The following BMP2K variants were observed in gnomAD, a reference collection of about 807,000 sequenced individuals.
BMP2K encodes the protein BMP-2-inducible protein kinase.
A neutral mutation model predicts 116.0 loss-of-function variants in BMP2K; 74 were observed. The observed-to-expected ratio is 0.64, with a 90% CI of 0.53 to 0.77. BMP2K has a LOEUF of 0.77. Among genes scored for constraint, BMP2K ranks in the 30% least tolerant of loss-of-function variants. BMP2K has a pLI of 0.00. For synonymous variants in BMP2K, 486 were observed against 502.5 expected (o/e 0.97, Z 0.44); for missense variants, 1,365 against 1,403.6 (o/e 0.97, Z 0.44).
intron 1 of BMP2K, among the ~76,000 whole-genome samples, chr4:78,798,501 A>G (rs1309630817): frequency 6.6e-6 from 1 of 152,186 alleles, no homozygotes; most frequent in Non-Finnish European, 1.5e-5. Context: ...TTTACTCTGA[A>G]AACAATTTGT....
chr4:78,876,029 C>T (rs925107491), intron 13 of BMP2K, among the ~76,000 whole-genome samples: 1 of 152,106 alleles, frequency 6.6e-6, no homozygotes, highest in Non-Finnish European at 1.5e-5. Flanking sequence ...TTTCACCCTT[C>T]GAAGGGAGGA....
At chr4:78,847,118 C>A (rs1053649618) in intron 5 of BMP2K, 70 bp from the exon 6 acceptor site, 1 of 852,812 alleles carries the variant, frequency 1.2e-6, no homozygotes. Flanking sequence ...TATGTAGAAA[C>A]AATGTATTAT....
At chr4:78,909,456 C>T (rs923496449) in intron 15 of BMP2K, among the ~76,000 whole-genome samples, 10 of 152,020 alleles carry the variant, frequency 6.6e-5, no homozygotes, top group East Asian at 3.9e-4. Context: ...ATGAAATATA[C>T]GCTGCTTATC....
At chr4:78,900,897 A>G (rs1733965509) in intron 15 of BMP2K, among the ~76,000 whole-genome samples, 1 of 152,196 alleles carries the variant, frequency 6.6e-6, no homozygotes, top group South Asian at 2.1e-4. Context: ...AATTATCATG[A>G]ATTATATTTG....
At chr4:78,847,091 C>CT (rs893997744) in intron 5 of BMP2K, 97 bp from the exon 6 acceptor site, 15 of 639,828 alleles carry the variant, frequency 2.3e-5, no homozygotes, top group Middle Eastern at 5.2e-4. Context: ...ACCTAAAAGA[C>CT]TTTTTTTGTA....
intron 15 of BMP2K, among the ~76,000 whole-genome samples, chr4:78,898,618 T>C (rs973013579): frequency 6.8e-6 from 1 of 147,192 alleles, no homozygotes; most frequent in African/African-American, 2.5e-5. Context: ...CTTTCCTGTT[T>C]AAAGTCCTTC....
chr4:78,827,446 A>G (rs1729929507), intron 2 of BMP2K, among the ~76,000 whole-genome samples: 1 of 152,144 alleles, frequency 6.6e-6, no homozygotes, highest in Admixed American at 6.5e-5. Flanking sequence ...TGTCTTGCTG[A>G]CACTTAGAAC....
At chr4:78,823,514 T>TTA (rs919356679) in intron 1 of BMP2K, among the ~76,000 whole-genome samples, 3 of 147,594 alleles carry the variant, frequency 2.0e-5, no homozygotes, top group Admixed American at 6.8e-5. Flanking sequence ...TTATATATAG[T>TTA]TATATATATA....
At chr4:78,807,464 T>A (rs1381089362) in intron 1 of BMP2K, among the ~76,000 whole-genome samples, 1 of 152,106 alleles carries the variant, frequency 6.6e-6, no homozygotes, top group African/African-American at 2.4e-5. Context: ...TTCTCTTCTA[T>A]TTTTTTGGAG....
chr4:78,912,206 A>G lies in BMP2K; in HGVS notation c.*173A>G, dbSNP rs1243989899. On this transcript the variant is annotated 3_prime_UTR_variant, in exon 16 of 16. Coordinates refer to ENST00000502613, the MANE Select transcript of BMP2K (RefSeq NM_198892.2). ...GAATGAAGTATCTCTACAGGGTAGT[A>G]ACTTGATTCCTCTTCAGGAGAAAAG... The G allele has an allele frequency of 1.6e-6, 1 of 609,338 alleles. No homozygotes were observed. The highest frequency in any genetic ancestry group is 2.8e-6 in the Non-Finnish European group (1 of 362,670). The allele number at this position is 609,338 out of a possible 1,614,324, so 37.7% of individuals were successfully genotyped here.
At chr4:78,788,163 G>A (rs959986477) in intron 1 of BMP2K, among the ~76,000 whole-genome samples, 13 of 151,330 alleles carry the variant, frequency 8.6e-5, no homozygotes, top group African/African-American at 2.7e-4. Context: ...ACTCTCTTCC[G>A]TTGAATGTTA....
At chr4:78,787,546 G>T (rs773608017) in intron 1 of BMP2K, among the ~76,000 whole-genome samples, 1 of 152,100 alleles carries the variant, frequency 6.6e-6, no homozygotes, top group Non-Finnish European at 1.5e-5. Flanking sequence ...AAACAGTTTT[G>T]GGGGTGGTCA....
chr4:78,857,790 C>G (rs1731574158), intron 7 of BMP2K, among the ~76,000 whole-genome samples: 1 of 151,998 alleles, frequency 6.6e-6, no homozygotes, highest in Non-Finnish European at 1.5e-5. Flanking sequence ...CTTTCAGTAT[C>G]ACGAATAGTG....
intron 1 of BMP2K, among the ~76,000 whole-genome samples, chr4:78,787,496 G>A (rs747178279): frequency 2.0e-5 from 3 of 152,088 alleles, no homozygotes; most frequent in African/African-American, 7.2e-5. Context: ...GTGGGAGCTG[G>A]GTAGTCTAAA....
chr4:78,819,560 T>G (rs1311849325), intron 1 of BMP2K, among the ~76,000 whole-genome samples: 1 of 152,152 alleles, frequency 6.6e-6, no homozygotes, highest in Non-Finnish European at 1.5e-5. Context: ...TTTAGAATAG[T>G]CCTATGAGGA....
chr4:78,860,770 C>CTTTTT (rs139384663), intron 8 of BMP2K, among the ~76,000 whole-genome samples: 101 of 101,908 alleles, frequency 9.9e-4, no homozygotes, highest in Middle Eastern at 7.0e-3. Context: ...GGTACCTTTC[C>CTTTTT]TTTTTTTTTT....
chr4:78,853,561 A>G (rs919085780), intron 7 of BMP2K, among the ~76,000 whole-genome samples: 1 of 152,184 alleles, frequency 6.6e-6, no homozygotes, highest in Non-Finnish European at 1.5e-5. Context: ...ATAGTTATGA[A>G]GAATGTACTG....
In BMP2K at chr4:78,878,931, A is replaced by G. The variant is rs371736954; in HGVS notation, c.1951+40A>G. The G allele has an allele frequency of 9.3e-5, 147 of 1,588,322 alleles. 1 individual carries two copies. Among genetic ancestry groups the G allele is most frequent in the Admixed American group, 7.5e-4 (39 of 51,862 alleles). On this transcript the variant is annotated intron_variant, in intron 14 of 15. Coordinates refer to ENST00000502613, the MANE Select transcript of BMP2K (RefSeq NM_198892.2). ...AAGGCTTATTTTGCTTCACAGTAAA[A>G]TAACAGCTCTATTATTATTCAGCAA...
At chr4:78,901,199 A>T (rs1260179305) in intron 15 of BMP2K, among the ~76,000 whole-genome samples, 2 of 151,738 alleles carry the variant, frequency 1.3e-5, no homozygotes, top group Non-Finnish European at 1.5e-5. Context: ...GTGCACCACC[A>T]TTCTCAGCTA....
Sources: gnomAD v4.1 joint callset for allele counts (sites outside exome capture counted in the v4.1 genomes callset) on GRCh38, gnomAD v4.1.1 for gene constraint, MANE v1.5 for transcripts, NCBI Gene and HGNC (gene_info 2026-07-23, HGNC 2026-07-21) for gene names.